The following GLRB variants were observed in gnomAD, a reference collection of about 807,000 sequenced individuals.
GLRB encodes the protein glycine receptor subunit beta.
In GLRB, 33 loss-of-function variants were observed where a neutral mutation model predicts 54.2. The ratio of observed to expected loss-of-function variants is 0.61; its 90% CI spans 0.46 to 0.81. The LOEUF (loss-of-function observed/expected upper bound fraction) is 0.81. GLRB is among the 40% of genes least tolerant of loss of function. The pLI is 0.00. For missense variants in GLRB, 572 were observed against 584.6 expected (o/e 0.98, Z 0.22); for synonymous variants, 209 against 208.2 (o/e 1.00, Z -0.03).
intron 6 of GLRB, among the ~76,000 whole-genome samples, chr4:157,137,962 T>G (rs1047373254): frequency 6.6e-6 from 1 of 152,224 alleles, no homozygotes; most frequent in African/African-American, 2.4e-5. Flanking sequence ...AAAATGTGTG[T>G]GCTTCAGGGT....
At chr4:157,158,693 C>A (rs1451197638) in intron 9 of GLRB, among the ~76,000 whole-genome samples, 1 of 152,060 alleles carries the variant, frequency 6.6e-6, no homozygotes, top group Non-Finnish European at 1.5e-5. Flanking sequence ...TGGTCTATAT[C>A]TCTGTTTTGG....
chr4:157,143,749 T>C (rs1354777983), intron 7 of GLRB, 58 bp from the exon 8 acceptor site: 8 of 1,522,494 alleles, frequency 5.3e-6, no homozygotes, highest in South Asian at 4.6e-5. Flanking sequence ...CTGTCATTGA[T>C]GTTTGCCATT....
intron 2 of GLRB, among the ~76,000 whole-genome samples, chr4:157,089,356 G>A (rs564439089): frequency 1.1e-4 from 17 of 152,266 alleles, no homozygotes; most frequent in East Asian, 7.7e-4. Context: ...CCATTATTGC[G>A]ATCATGCTAC....
chr4:157,108,154 G>A lies in GLRB; in HGVS notation c.123-12402G>A, dbSNP rs1194034483. 4.6e-5 allele frequency among the ~76,000 whole-genome samples: 7 copies of A among 152,188 alleles called. No individual in the cohort carries two copies. In the South Asian group the frequency reaches 1.0e-3, roughly 23 times the overall value. ...CACCTGGTCACCCAAGAGCTCTGAC[G>A]GAGATGTATTATACAAGGAGTTGTT... On this transcript the variant is annotated intron_variant, in intron 2 of 9. Transcript: ENST00000264428.
At chr4:157,147,146 G>C (rs968980011) in intron 8 of GLRB, among the ~76,000 whole-genome samples, 1 of 152,168 alleles carries the variant, frequency 6.6e-6, no homozygotes, top group Non-Finnish European at 1.5e-5. Context: ...CAAAACTGGA[G>C]TAGGAATTTA....
chr4:157,152,360 T>C (rs550032620), intron 8 of GLRB, among the ~76,000 whole-genome samples: 1 of 152,228 alleles, frequency 6.6e-6, no homozygotes, highest in African/African-American at 2.4e-5. Context: ...AGCTGAAAAA[T>C]AACATACATA....
intron 2 of GLRB, among the ~76,000 whole-genome samples, chr4:157,102,796 G>A (rs961983721): frequency 1.3e-5 from 2 of 152,182 alleles, no homozygotes; most frequent in African/African-American, 4.8e-5. Context: ...AAGCAAACAT[G>A]TTACATGTAT....
chr4:157,124,856 A>G (rs78634779), intron 4 of GLRB, among the ~76,000 whole-genome samples: 1 of 151,882 alleles, frequency 6.6e-6, no homozygotes, highest in Non-Finnish European at 1.5e-5. Flanking sequence ...AGATGTAAAT[A>G]TTCCATTTTA....
rs1228266830 is a variant in GLRB, at chr4:157,136,506, A to T, written c.335A>T (p.Asn112Ile). 1 of 1,612,232 alleles carries T rather than the reference A, an allele frequency of 6.2e-7. No homozygotes were observed. Among genetic ancestry groups the T allele is most frequent in the Non-Finnish European group, 8.5e-7 (1 of 1,178,426 alleles). Residue 112 changes from asparagine (N) to isoleucine (I), a missense_variant, in exon 5 of 10, where the codon AAT becomes ATT. Coordinates refer to ENST00000264428, the MANE Select transcript of GLRB (RefSeq NM_000824.5). Reference protein sequence around the residue: ...RVNIFLRQKWNDPRLKLPSDF... With the variant: ...RVNIFLRQKWIDPRLKLPSDF... ...AACATCTTCCTGAGACAAAAATGGA[A>T]TGACCCCAGGCTGAAGCTCCCCAGT...
At chr4:157,155,623 C>T (rs1737197706) in intron 9 of GLRB, among the ~76,000 whole-genome samples, 1 of 152,166 alleles carries the variant, frequency 6.6e-6, no homozygotes, top group African/African-American at 2.4e-5. Context: ...TTCCTTCTGG[C>T]CTCCATGGCT....
chr4:157,086,178 C>T (rs185094338), intron 2 of GLRB, among the ~76,000 whole-genome samples: 85 of 152,306 alleles, frequency 5.6e-4, no homozygotes, highest in Non-Finnish European at 9.8e-4. Flanking sequence ...CTAATCTTCC[C>T]TTGCTATTAT....
Position 157,095,646 on chromosome 4 carries a change from G to C in GLRB, c.122+17500G>C, listed in dbSNP as rs117810044. Among the ~76,000 whole-genome samples the C allele has an allele frequency of 2.5e-3, 375 of 152,264 alleles. 6 individuals carry two copies. The East Asian group carries it at 0.041, about 16-fold the overall frequency. The stretch of plus-strand genomic sequence containing the variant: ...ACAGGTGAAGGAGAATGAGGACATG[G>C]TGAAACCCTATCTCTACAAAAACTT... On this transcript the variant is annotated intron_variant, in intron 2 of 9. Coordinates refer to ENST00000264428, the MANE Select transcript of GLRB (RefSeq NM_000824.5).
At chr4:157,098,639 G>A (rs956615335) in intron 2 of GLRB, among the ~76,000 whole-genome samples, 7 of 151,370 alleles carry the variant, frequency 4.6e-5, no homozygotes, top group Admixed American at 2.6e-4. Flanking sequence ...ATGGAGTCTC[G>A]CTCTGTCACC....
At chr4:157,158,823 T>C (rs1245798226) in intron 9 of GLRB, among the ~76,000 whole-genome samples, 1 of 152,198 alleles carries the variant, frequency 6.6e-6, no homozygotes, top group Non-Finnish European at 1.5e-5. Context: ...GGGCTCTTTT[T>C]AGGTTCCATA....
intron 2 of GLRB, among the ~76,000 whole-genome samples, chr4:157,107,602 A>G (rs1405699021): frequency 6.6e-6 from 1 of 152,120 alleles, no homozygotes; most frequent in Non-Finnish European, 1.5e-5. Context: ...AAGAGAAGTA[A>G]GGAAGCTGCA....
At chr4:157,169,966 T>G (rs963769795) in intron 9 of GLRB, among the ~76,000 whole-genome samples, 1 of 152,134 alleles carries the variant, frequency 6.6e-6, no homozygotes, top group Non-Finnish European at 1.5e-5. Context: ...ATTGGAGAGA[T>G]AAATTACTTA....
At chr4:157,112,374 A>C (rs1474253640) in intron 2 of GLRB, among the ~76,000 whole-genome samples, 1 of 151,882 alleles carries the variant, frequency 6.6e-6, no homozygotes, top group African/African-American at 2.4e-5. Flanking sequence ...TAACCTGTAC[A>C]TAGCAAGTGC....
At chr4:157,077,458 T>C (rs952256434) in intron 1 of GLRB, among the ~76,000 whole-genome samples, 14 of 152,112 alleles carry the variant, frequency 9.2e-5, no homozygotes, top group Non-Finnish European at 7.4e-5. Context: ...AACTCTTTGA[T>C]ATTAACTTTT....
chr4:157,103,260 G>T (rs1735105049), intron 2 of GLRB, among the ~76,000 whole-genome samples: 3 of 152,124 alleles, frequency 2.0e-5, no homozygotes, highest in Admixed American at 2.0e-4. Flanking sequence ...ATGGCCAGTG[G>T]TCTTCTTATC....
Sources: allele counts gnomAD v4.1 joint callset (sites outside exome capture counted in the v4.1 genomes callset), GRCh38; gene constraint gnomAD v4.1.1; transcripts MANE v1.5; gene names NCBI Gene and HGNC (gene_info 2026-07-23, HGNC 2026-07-21).